Variants in ADAMTSL2 observed in about 807,000 individuals in gnomAD.
ADAMTSL2 encodes ADAMTS-like protein 2.
ADAMTSL2 carries 55 observed loss-of-function variants against 117.0 expected under a neutral mutation model. The observed-to-expected ratio is 0.47, with a 90% CI of 0.38 to 0.59. The LOEUF (loss-of-function observed/expected upper bound fraction) is 0.59. Among genes scored for constraint, ADAMTSL2 ranks in the 20% least tolerant of loss-of-function variants. The pLI, the probability that ADAMTSL2 is intolerant of heterozygous loss-of-function variation, is 0.00. For synonymous variants in ADAMTSL2, 572 were observed against 566.4 expected, an observed-to-expected ratio of 1.01 and a Z score of -0.14; for missense variants, 1,182 against 1,354.5, an observed-to-expected ratio of 0.87 and a Z score of 2.00.
chr9:133,564,597 G>GAGA (rs1564178886), intron 12 of ADAMTSL2, among the ~76,000 whole-genome samples: 29 of 26,148 alleles, frequency 1.1e-3, no homozygotes, highest in African/African-American at 1.6e-3. Context: ...AGAGAGAGGG[G>GAGA]GAGAGAGAGG....
In ADAMTSL2 at chr9:133,534,798, A is replaced by G; in HGVS notation, c.-270A>G. ...GGGGGAGGAGGGGAAGGGGAGAGGG[A>G]GGCCGGGCCGCAGCCTCTGCACTCA... is the stretch of plus-strand genomic sequence containing the variant. On this transcript the variant is annotated 5_prime_UTR_variant, in exon 1 of 19. Coordinates refer to ENST00000651351, the MANE Select transcript of ADAMTSL2 (RefSeq NM_014694.4). 1 of 1,483,544 alleles carries G rather than the reference A, an allele frequency of 6.7e-7. No individual in the cohort carries two copies. Among genetic ancestry groups the G allele is most frequent in the South Asian group, 1.3e-5 (1 of 76,980 alleles). The allele number at this position is 1,483,544 out of a possible 1,614,324, so 91.9% of individuals were successfully genotyped here. A position where few individuals can be genotyped will look rare whatever the true frequency, so the allele number is the denominator to read the frequency against.
chr9:133,539,668 G>GTCCCGGCTGTCCCGGCTA, intron 4 of ADAMTSL2, 103 bp from the exon 5 acceptor site: 4 of 1,193,808 alleles, frequency 3.4e-6, no homozygotes, highest in Non-Finnish European at 4.8e-6. Flanking sequence ...TGTCCCGGCT[G>GTCCCGGCTGTCCCGGCTA]TCCCGGCTGT....
In ADAMTSL2 at chr9:133,570,489, C is replaced by T; in HGVS notation, c.2574C>T (p.Tyr858=). 2 of 1,611,828 alleles carry T rather than the reference C, an allele frequency of 1.2e-6. No individual in the cohort carries two copies. Among genetic ancestry groups the T allele is most frequent in the Non-Finnish European group, 1.7e-6 (2 of 1,179,536 alleles). Residue 858 remains tyrosine, a synonymous_variant, in exon 17 of 19, where the codon TAC becomes TAT. Coordinates refer to ENST00000651351, the MANE Select transcript of ADAMTSL2 (RefSeq NM_014694.4). Reference sequence around the variant, plus strand: ...TCGAGAGGCCCTGCTTCAAGTGGTACACCAGCCCCTGGTCAGAGGTGAGCT... The same window carrying T: ...TCGAGAGGCCCTGCTTCAAGTGGTATACCAGCCCCTGGTCAGAGGTGAGCT... ...TCFERPCFKW[Y]TSPWSECTKT...
chr9:133,546,879 A>T (rs1402929745), intron 8 of ADAMTSL2, among the ~76,000 whole-genome samples, 159 bp from the exon 9 acceptor site: 1 of 152,080 alleles, frequency 6.6e-6, no homozygotes, highest in Non-Finnish European at 1.5e-5. Flanking sequence ...CCTCCTCCGC[A>T]TTCACTGGCC....
intron 12 of ADAMTSL2, among the ~76,000 whole-genome samples, chr9:133,564,316 G>C (rs1301140943): frequency 1.8e-5 from 1 of 56,712 alleles, no homozygotes. Context: ...GAGAGAGAAA[G>C]AGAGAGGGAG....
intron 7 of ADAMTSL2, among the ~76,000 whole-genome samples, chr9:133,544,138 G>A (rs1245248754): frequency 6.6e-6 from 1 of 152,354 alleles, no homozygotes; most frequent in East Asian, 1.9e-4. Flanking sequence ...GCTGCCCAGG[G>A]TCTCCTGGGT....
intron 8 of ADAMTSL2, among the ~76,000 whole-genome samples, chr9:133,545,901 G>A (rs1292076275): frequency 1.3e-5 from 2 of 152,102 alleles, no homozygotes; most frequent in African/African-American, 4.8e-5. Context: ...TCTAATTTGC[G>A]TTATCTTCTG....
At chr9:133,548,702 G>A (rs979849457) in intron 9 of ADAMTSL2, among the ~76,000 whole-genome samples, 7 of 152,160 alleles carry the variant, frequency 4.6e-5, no homozygotes, top group African/African-American at 1.7e-4. Context: ...GCCCCTTGTG[G>A]GGGGCATGAC....
At position 133,538,263 on chromosome 9, in the gene ADAMTSL2, G is replaced by T. The variant is rs886626691; in HGVS notation, c.234-86G>T. The T allele has an allele frequency of 8.6e-6, 13 of 1,510,700 alleles. No homozygotes were observed. In the African/African-American group the frequency reaches 1.8e-4, roughly 21 times the overall value. 93.6% of individuals were successfully genotyped at this position (1,510,700 alleles called of 1,614,324 possible). ...TGGGTCACGGGTATCGGGAGATTCT[G>T]GATCCCAGTGGCCGTGGGGCCAGCC... On this transcript the variant is annotated intron_variant, in intron 3 of 18. Transcript: ENST00000651351.
Position 133,534,913 on chromosome 9 carries a change from G to A in ADAMTSL2, c.-155G>A. Reference sequence around the variant, plus strand: ...TGGGAGGACAACCTGCTGACCCGAAGCCAGGTAGGCCACCTCGTCCCCGTC... The same window carrying A: ...TGGGAGGACAACCTGCTGACCCGAAACCAGGTAGGCCACCTCGTCCCCGTC... On this transcript the variant is annotated 5_prime_UTR_variant, in exon 1 of 19. Coordinates refer to ENST00000651351, the MANE Select transcript of ADAMTSL2 (RefSeq NM_014694.4). The A allele has an allele frequency of 3.6e-6, 5 of 1,396,570 alleles. No individual in the cohort carries two copies. Among genetic ancestry groups the A allele is most frequent in the Non-Finnish European group, 4.7e-6 (5 of 1,068,480 alleles). 86.5% of individuals were successfully genotyped at this position (1,396,570 alleles called of 1,614,324 possible).
intron 12 of ADAMTSL2, among the ~76,000 whole-genome samples, chr9:133,562,516 C>T (rs1295841177): frequency 4.4e-5 from 6 of 136,872 alleles, no homozygotes; most frequent in East Asian, 2.1e-4. Flanking sequence ...CCGTGGGCGG[C>T]GTGGCGGGCA....
Position 133,536,893 on chromosome 9 carries a change from T to C in ADAMTSL2, c.90+91T>C, listed in dbSNP as rs543816159. ...AGATGGACTGGCTTGGAGGGAGCCG[T>C]GTGGGCACGTGCCCCAGGTCCCAGA... On this transcript the variant is annotated intron_variant, in intron 2 of 18. Transcript: ENST00000651351. 5.2e-5 allele frequency: 83 copies of C among 1,581,124 alleles called. 1 individual carries two copies. In the East Asian group the frequency reaches 1.5e-3, roughly 29 times the overall value.
Position 133,573,199 on chromosome 9 carries a change from G to GA in ADAMTSL2, c.2593-644_2593-643insA, listed in dbSNP as rs1831151644. Among the ~76,000 whole-genome samples, 3 of 152,354 alleles carry GA rather than the reference G, an allele frequency of 2.0e-5. No individual in the cohort carries two copies. The South Asian group carries it at 6.2e-4, about 32-fold the overall frequency. ...ATGATGTGGGGTCACCCACATTGGG[G>GA]GGAGTGTGAGGGAGCCACCGCCTGT... is the stretch of plus-strand genomic sequence containing the variant. On this transcript the variant is annotated intron_variant, in intron 17 of 18. Coordinates refer to ENST00000651351, the MANE Select transcript of ADAMTSL2 (RefSeq NM_014694.4).
rs115949368 is a variant in ADAMTSL2, at chr9:133,538,995, C to A, written c.309+571C>A. Among the ~76,000 whole-genome samples the A allele has an allele frequency of 3.1e-3, 473 of 152,320 alleles. 5 individuals carry two copies. The highest frequency in any genetic ancestry group is 0.011 in the African/African-American group (461 of 41,578). On this transcript the variant is annotated intron_variant, in intron 4 of 18. Transcript: ENST00000651351. ...CTGCAGGGCGTGAGGCTGGGGCACGCCGAGCTGGGATCTGGGCCTCCCAGG... is the reference window on the plus strand; with the variant it reads ...CTGCAGGGCGTGAGGCTGGGGCACGACGAGCTGGGATCTGGGCCTCCCAGG...
rs764516811 is a variant in ADAMTSL2, at chr9:133,540,678, G to A, written c.493G>A (p.Ala165Thr). The A allele has an allele frequency of 2.0e-5, 33 of 1,613,648 alleles. No homozygotes were observed. Among genetic ancestry groups the A allele is most frequent in the Admixed American group, 3.3e-5 (2 of 60,000 alleles). ...VDGQRQLMVP[A>T]RDGTSCKLTD... is the part of the protein sequence containing the mutation. ...CGGCCAGCGGCAGCTCATGGTCCCC[G>A]CCCGCGACGGCACATCCTGCAAGCT... Residue 165 changes from alanine (A) to threonine (T), a missense_variant, in exon 6 of 19, where the codon GCC becomes ACC. Transcript: ENST00000651351.
Position 133,575,383 on chromosome 9 carries a change from C to T in ADAMTSL2, c.*519C>T, listed in dbSNP as rs1262943339. 5.9e-6 allele frequency: 1 copy of T among 169,832 alleles called. No individual in the cohort carries two copies. The highest frequency in any genetic ancestry group is 1.3e-5 in the Non-Finnish European group (1 of 78,092). The allele number at this position is 169,832 out of a possible 1,614,324, so 10.5% of individuals were successfully genotyped here. Reference sequence around the variant, plus strand: ...CTCTTATGGAGCCCCTCCCATGGAGCTCTCTTCCCGCCGCACTTTCTACCC... The same window carrying T: ...CTCTTATGGAGCCCCTCCCATGGAGTTCTCTTCCCGCCGCACTTTCTACCC... On this transcript the variant is annotated 3_prime_UTR_variant, in exon 19 of 19. Coordinates refer to ENST00000651351, the MANE Select transcript of ADAMTSL2 (RefSeq NM_014694.4).
Position 133,569,577 on chromosome 9 carries a change from G to C in ADAMTSL2, c.2414G>C (p.Arg805Pro). The stretch of plus-strand genomic sequence containing the variant: ...CACTGGCTGGCCCAGGACTGGGAGC[G>C]GGTGAGTGCCCCAGAGCCCGCGGAA... Reference protein sequence around the residue: ...PAHWLAQDWERCNTTCGRGVK... With the variant: ...PAHWLAQDWEPCNTTCGRGVK... The change falls in exon 16 of 19, where the codon CGG (arginine) becomes CCG (proline). Residue 805 changes from arginine to proline, a missense_variant and splice_region_variant. Physicochemically the swap from Arg to Pro is moderately radical, Grantham distance 103 (BLOSUM62 -2). This residue lies in a region of ADAMTSL2 where 465 missense variants were observed against 565.3 expected (regional missense o/e 0.82). Coordinates refer to ENST00000651351, the MANE Select transcript of ADAMTSL2 (RefSeq NM_014694.4). 1.3e-6 allele frequency: 2 copies of C among 1,567,510 alleles called. No individual in the cohort carries two copies. The highest frequency in any genetic ancestry group is 2.3e-5 in the South Asian group (2 of 85,824).
intron 16 of ADAMTSL2, among the ~76,000 whole-genome samples, 169 bp downstream of exon 16, chr9:133,569,747 G>T (rs376878612): frequency 6.6e-6 from 1 of 152,240 alleles, no homozygotes; most frequent in Non-Finnish European, 1.5e-5. Context: ...GGCTTAAAAG[G>T]TAGGAAAACA....
chr9:133,540,981 G>A lies in ADAMTSL2; in HGVS notation c.662G>A (p.Arg221His), dbSNP rs1242674081. Residue 221 changes from arginine to histidine, a missense_variant, in exon 7 of 19, where the codon CGC becomes CAC. Around this residue, in one of 3 missense-constraint regions of ADAMTSL2, gnomAD observed 372 missense variants for 463.4 expected, o/e 0.80. Coordinates refer to ENST00000651351, the MANE Select transcript of ADAMTSL2 (RefSeq NM_014694.4). ...TGCACCCACGTGACGGGCAACTATC[G>A]CAAGGGGAATGCCCACCTTGGTAAG... ...SSCTHVTGNY[R>H]KGNAHLGYSL... 5.6e-6 allele frequency: 9 copies of A among 1,613,384 alleles called. No homozygotes were observed. The highest frequency in any genetic ancestry group is 1.7e-4 in the Middle Eastern group (1 of 6,058).
Sources: gnomAD v4.1 joint callset for allele counts (sites outside exome capture counted in the v4.1 genomes callset) on GRCh38, gnomAD v4.1.1 for gene constraint, gnomAD v4.1.1 regional missense constraint, MANE v1.5 for transcripts, NCBI Gene and HGNC (gene_info 2026-07-23, HGNC 2026-07-21) for gene names.